The following DHRSX variants were observed in gnomAD, a reference collection of about 807,000 sequenced individuals.
DHRSX encodes the protein dehydrogenase/reductase X-linked.
A neutral mutation model predicts 34.0 loss-of-function variants in DHRSX; 31 were observed. The ratio of observed to expected loss-of-function variants is 0.91; its 90% CI spans 0.69 to 1.23. The LOEUF (loss-of-function observed/expected upper bound fraction) is 1.23, where lower values mean the gene tolerates loss of function less well. DHRSX is among the 50% of genes most tolerant of loss of function. DHRSX has a pLI of 0.00. For synonymous variants in DHRSX, 201 were observed against 183.8 expected (o/e 1.09, Z -0.76); for missense variants, 414 against 428.1 (o/e 0.97, Z 0.29).
At chrX:2,480,682 G>T (rs1419201651) in intron 1 of DHRSX, among the ~76,000 whole-genome samples, 1 of 151,996 alleles carries the variant, frequency 6.6e-6, no homozygotes, top group Admixed American at 6.6e-5. Flanking sequence ...AACCAGGTGT[G>T]GTGGTGTGCA....
chrX:2,288,495 A>G (rs2041831191), intron 4 of DHRSX, among the ~76,000 whole-genome samples: 2 of 152,154 alleles, frequency 1.3e-5, no homozygotes, highest in South Asian at 4.1e-4. Flanking sequence ...TCGGCCTCCC[A>G]AAGTGCTGAG....
intron 6 of DHRSX, among the ~76,000 whole-genome samples, chrX:2,238,874 G>A (rs776310366): frequency 9.2e-5 from 14 of 151,706 alleles, no homozygotes; most frequent in Non-Finnish European, 1.9e-4. Context: ...CATGAGACAC[G>A]GCACCCAGCT....
At chrX:2,227,068 C>T (rs1197133250) in intron 6 of DHRSX, among the ~76,000 whole-genome samples, 11 of 151,938 alleles carry the variant, frequency 7.2e-5, no homozygotes, top group South Asian at 2.1e-4. Context: ...AATGTCTTTC[C>T]GGAAGGTGCA....
At chrX:2,388,626 T>A (rs1028096732) in intron 3 of DHRSX, among the ~76,000 whole-genome samples, 140 of 149,288 alleles carry the variant, frequency 9.4e-4, no homozygotes, top group African/African-American at 3.3e-3. Context: ...TATTCTGTGA[T>A]AGCAGCCTGA....
intron 1 of DHRSX, among the ~76,000 whole-genome samples, chrX:2,440,038 G>A (rs1226794782): frequency 6.6e-6 from 1 of 152,114 alleles, no homozygotes; most frequent in Non-Finnish European, 1.5e-5. Flanking sequence ...ATTCAGCATT[G>A]AGTCACTGAA....
intron 1 of DHRSX, among the ~76,000 whole-genome samples, chrX:2,452,606 G>A (rs762254788): frequency 6.6e-6 from 1 of 151,908 alleles, no homozygotes; most frequent in South Asian, 2.1e-4. Context: ...CCAATGGACC[G>A]CACTGATGAC....
At chrX:2,262,625 G>A (rs935950400) in intron 5 of DHRSX, among the ~76,000 whole-genome samples, 8 of 152,190 alleles carry the variant, frequency 5.3e-5, no homozygotes, top group African/African-American at 1.7e-4. Flanking sequence ...CTTCCTCAGG[G>A]CACCATGAAG....
Position 2,405,729 on chromosome X carries a change from G to A in DHRSX, c.286+3016C>T, listed in dbSNP as rs181596767. 1.3e-4 allele frequency among the ~76,000 whole-genome samples: 20 copies of A among 149,300 alleles called. No individual in the cohort carries two copies. The East Asian group carries it at 3.2e-3, about 24-fold the overall frequency. On this transcript the variant is annotated intron_variant, in intron 3 of 6. Transcript: ENST00000334651. ...GGAGAAACACTTGGGCCTGGGAGGC[G>A]GAGGTTGCAGTGAGCCGAGATAACA...
At chrX:2,392,839 TATC>T (rs1418149846) in intron 3 of DHRSX, among the ~76,000 whole-genome samples, 5 of 141,182 alleles carry the variant, frequency 3.5e-5, no homozygotes, top group East Asian at 2.0e-4. Flanking sequence ...AATTTATAGT[TATC>T]ATTATATATT....
chrX:2,331,983 C>T (rs887809147), intron 3 of DHRSX, among the ~76,000 whole-genome samples: 16 of 151,860 alleles, frequency 1.1e-4, no homozygotes, highest in African/African-American at 3.6e-4. Context: ...TTTTGACTCG[C>T]GAAATGTTCA....
chrX:2,492,044 C>T (rs976476954), intron 1 of DHRSX, among the ~76,000 whole-genome samples: 45 of 152,142 alleles, frequency 3.0e-4, no homozygotes, highest in Admixed American at 3.3e-4. Context: ...AAATGCACCA[C>T]CCAGGCACGT....
chrX:2,242,812 C>G, intron 6 of DHRSX, among the ~76,000 whole-genome samples: 1 of 152,190 alleles, frequency 6.6e-6, no homozygotes, highest in Non-Finnish European at 1.5e-5. Flanking sequence ...AATGGCCAAC[C>G]AGCGGCCGCC....
chrX:2,361,093 C>A (rs2042928304), intron 3 of DHRSX, among the ~76,000 whole-genome samples: 1 of 152,092 alleles, frequency 6.6e-6, no homozygotes, highest in Non-Finnish European at 1.5e-5. Flanking sequence ...CAAGAGGAGA[C>A]ACTTTCCATA....
At chrX:2,446,864 G>A (rs1280295574) in intron 1 of DHRSX, among the ~76,000 whole-genome samples, 1 of 151,942 alleles carries the variant, frequency 6.6e-6, no homozygotes, top group Non-Finnish European at 1.5e-5. Context: ...AAAGAATGGG[G>A]CCAAGGGACC....
chrX:2,276,613 T>C (rs762040267), intron 4 of DHRSX, among the ~76,000 whole-genome samples: 5 of 152,068 alleles, frequency 3.3e-5, no homozygotes, highest in South Asian at 4.2e-4. Flanking sequence ...CAATCACATA[T>C]TGTGCCTGAA....
At chrX:2,258,014 AGAG>A (rs1441025980) in intron 5 of DHRSX, among the ~76,000 whole-genome samples, 1 of 152,138 alleles carries the variant, frequency 6.6e-6, no homozygotes, top group Non-Finnish European at 1.5e-5. Flanking sequence ...CCTTATAAGA[AGAG>A]GAGATGAGGA....
At chrX:2,490,746 G>A (rs1362146824) in intron 1 of DHRSX, 1 of 1,599,112 alleles carries the variant, frequency 6.3e-7, no homozygotes, top group South Asian at 1.1e-5. Flanking sequence ...CCTGCCTGCT[G>A]GACGGCTGCT....
At position 2,387,904 on chromosome X, in the gene DHRSX, C is replaced by CAAAAAA. The variant is rs557047764; in HGVS notation, c.286+20835_286+20840dup. On this transcript the variant is annotated intron_variant, in intron 3 of 6. Transcript: ENST00000334651. ...TACTCTGAGCCTCCACCCTCCCCTGCAAAAAAAAAAAAAAAAAAAACGGGA... is the reference window on the plus strand; with the variant it reads ...TACTCTGAGCCTCCACCCTCCCCTGCAAAAAAAAAAAAAAAAAAAAAAAAAACGGGA... Among the ~76,000 whole-genome samples, 39 of 73,926 alleles carry CAAAAAA rather than the reference C, an allele frequency of 5.3e-4. No individual in the cohort carries two copies. The East Asian group carries it at 5.3e-3, about 10-fold the overall frequency. 48.5% of individuals were successfully genotyped at this position (73,926 alleles called of 152,430 possible). A position where few individuals can be genotyped will look rare whatever the true frequency, so the allele number is the denominator to read the frequency against.
chrX:2,291,663 G>A, intron 3 of DHRSX, 60 bp from the exon 4 acceptor site: 2 of 1,319,678 alleles, frequency 1.5e-6, no homozygotes, highest in Non-Finnish European at 2.2e-6. Flanking sequence ...CAGAGATTAA[G>A]AAAATTTCTA....
Sources: gnomAD v4.1 joint callset for allele counts (sites outside exome capture counted in the v4.1 genomes callset) on GRCh38, gnomAD v4.1.1 for gene constraint, MANE v1.5 for transcripts, NCBI Gene and HGNC (gene_info 2026-07-23, HGNC 2026-07-21) for gene names.